The following FIP1L1 variants were observed in gnomAD, a reference collection of about 807,000 sequenced individuals.
FIP1L1 encodes the protein pre-mRNA 3'-end-processing factor FIP1.
FIP1L1 carries 21 observed loss-of-function variants against 84.6 expected under a neutral mutation model. The ratio of observed to expected loss-of-function variants is 0.25; its 90% CI spans 0.18 to 0.36. FIP1L1 has a LOEUF of 0.36. Among genes scored for constraint, FIP1L1 ranks in the 10% least tolerant of loss-of-function variants. FIP1L1 has a pLI of 1.00. For synonymous variants in FIP1L1, 263 were observed against 242.3 expected, an observed-to-expected ratio of 1.09 and a Z score of -0.80; for missense variants, 526 against 751.1, an observed-to-expected ratio of 0.70 and a Z score of 3.50.
intron 13 of FIP1L1, among the ~76,000 whole-genome samples, chr4:53,433,966 G>A (rs1251966566): frequency 2.0e-5 from 3 of 151,972 alleles, no homozygotes; most frequent in Non-Finnish European, 2.9e-5. Flanking sequence ...GGGTGGGGGC[G>A]GGTGGCGAGT....
intron 10 of FIP1L1, among the ~76,000 whole-genome samples, chr4:53,409,381 C>T (rs1002533761): frequency 1.3e-5 from 2 of 152,116 alleles, no homozygotes; most frequent in Non-Finnish European, 2.9e-5. Context: ...AGTACCTGGC[C>T]ATGTGAGGTG....
intron 11 of FIP1L1, among the ~76,000 whole-genome samples, chr4:53,417,358 T>C (rs1469962401): frequency 6.6e-6 from 1 of 152,108 alleles, no homozygotes; most frequent in African/African-American, 2.4e-5. Flanking sequence ...ATTCCAAAAA[T>C]AGCCTGGCTG....
chr4:53,383,745 AT>A (rs767730400), intron 4 of FIP1L1, 27 bp from the exon 5 acceptor site: 2 of 1,573,332 alleles, frequency 1.3e-6, no homozygotes, highest in Non-Finnish European at 1.7e-6. Flanking sequence ...TACTGAATGT[AT>A]TTTATAATTT....
chr4:53,391,434 A>C lies in FIP1L1; in HGVS notation c.641A>C (p.Glu214Ala). ...GGAATATGTTATTTAACTTAGGCCGAAGACTGTACTATGGAAGTTACACCA... is the reference window on the plus strand; with the variant it reads ...GGAATATGTTATTTAACTTAGGCCGCAGACTGTACTATGGAAGTTACACCA... ...VTSTTNKITA[E>A]DCTMEVTPGA... The change falls in exon 9 of 18, where the codon GAA (glutamate) becomes GCA (alanine). Residue 214 changes from glutamate to alanine, a missense_variant. This residue lies in a region of FIP1L1 where 169 missense variants were observed against 206.9 expected (regional missense o/e 0.82). Transcript: ENST00000337488. 1 of 1,612,684 alleles carries C rather than the reference A, an allele frequency of 6.2e-7. No individual in the cohort carries two copies. The highest frequency in any genetic ancestry group is 8.5e-7 in the Non-Finnish European group (1 of 1,178,772).
chr4:53,406,238 C>G (rs1363823610), intron 10 of FIP1L1, among the ~76,000 whole-genome samples: 5 of 152,136 alleles, frequency 3.3e-5, no homozygotes, highest in Non-Finnish European at 5.9e-5. Context: ...TGAATTTTGT[C>G]AAAGGCCTTT....
At chr4:53,379,306 TGAAAC>T in intron 3 of FIP1L1, 42 bp downstream of exon 3, 2 of 1,511,072 alleles carry the variant, frequency 1.3e-6, no homozygotes, top group Non-Finnish European at 1.8e-6. Context: ...ACAGGTTGTG[TGAAAC>T]AATGGTTCTG....
chr4:53,416,872 G>C (rs1031938121), intron 11 of FIP1L1, among the ~76,000 whole-genome samples: 3 of 152,092 alleles, frequency 2.0e-5, no homozygotes, highest in African/African-American at 7.2e-5. Context: ...GTTGAGGTGG[G>C]AGAATCACTT....
At chr4:53,426,273 C>G (rs1421951611) in intron 12 of FIP1L1, among the ~76,000 whole-genome samples, 1 of 152,038 alleles carries the variant, frequency 6.6e-6, no homozygotes, top group African/African-American at 2.4e-5. Flanking sequence ...TTGAAATGTT[C>G]ATACGTATGT....
intron 10 of FIP1L1, among the ~76,000 whole-genome samples, chr4:53,409,925 C>T (rs1219433247): frequency 2.0e-5 from 3 of 152,250 alleles, no homozygotes; most frequent in Non-Finnish European, 2.9e-5. Flanking sequence ...AGGGAACTCC[C>T]TGACCCCTTG....
Position 53,389,855 on chromosome 4 carries a change from A to G in FIP1L1, c.379A>G (p.Arg127Gly). 2 of 1,602,314 alleles carry G rather than the reference A, an allele frequency of 1.2e-6. No individual in the cohort carries two copies. The highest frequency in any genetic ancestry group is 1.7e-6 in the Non-Finnish European group (2 of 1,176,066). ...PVNLNIKTGG[R>G]VYGTTGTKVK... Reference sequence around the variant, plus strand: ...AAATCTTAACATCAAGACAGGGGGAAGAGTTTATGGAACTACAGGTAAAAT... The same window carrying G: ...AAATCTTAACATCAAGACAGGGGGAGGAGTTTATGGAACTACAGGTAAAAT... Residue 127 changes from arginine (R) to glycine (G), a missense_variant, in exon 6 of 18, where the codon AGA becomes GGA. By Grantham distance (125) the Arg-to-Gly change is moderately radical (BLOSUM62 -2). Around this residue, in one of 6 missense-constraint regions of FIP1L1, gnomAD observed 169 missense variants for 206.9 expected, o/e 0.82. Transcript: ENST00000337488.
intron 10 of FIP1L1, among the ~76,000 whole-genome samples, chr4:53,401,279 A>C (rs1039422725): frequency 9.9e-5 from 15 of 152,122 alleles, no homozygotes; most frequent in Non-Finnish European, 2.1e-4. Context: ...GCCTTTCAAA[A>C]TTTGGGCCAG....
chr4:53,397,035 A>T (rs1747775861), intron 9 of FIP1L1, among the ~76,000 whole-genome samples: 1 of 152,204 alleles, frequency 6.6e-6, no homozygotes, highest in African/African-American at 2.4e-5. Flanking sequence ...AAGACATTCA[A>T]AGTTATTTTT....
intron 15 of FIP1L1, among the ~76,000 whole-genome samples, chr4:53,445,639 A>G (rs1322069313): frequency 2.0e-5 from 3 of 152,188 alleles, no homozygotes; most frequent in Admixed American, 1.3e-4. Flanking sequence ...TATATACTAT[A>G]TAAAGGCTAG....
intron 15 of FIP1L1, among the ~76,000 whole-genome samples, chr4:53,447,631 A>C (rs1263642463): frequency 2.0e-5 from 3 of 152,166 alleles, no homozygotes; most frequent in African/African-American, 7.2e-5. Context: ...GGAGAAAGTT[A>C]CATGACAAAT....
At chr4:53,440,090 A>G (rs1288165001) in intron 13 of FIP1L1, among the ~76,000 whole-genome samples, 1 of 152,022 alleles carries the variant, frequency 6.6e-6, no homozygotes, top group Non-Finnish European at 1.5e-5. Context: ...CACTTCTGCC[A>G]ACAATACTAG....
In FIP1L1 at chr4:53,414,684, G is replaced by T; in HGVS notation, c.885G>T (p.Trp295Cys). The change falls in exon 11 of 18, where the codon TGG becomes TGT. Residue 295 changes from tryptophan (W) to cysteine (C), a missense_variant. Physicochemically the swap from Trp to Cys is radical, Grantham distance 215. Coordinates refer to ENST00000337488, the MANE Select transcript of FIP1L1 (RefSeq NM_030917.4). ...AAGCCAATTCAAGCGTTGGGAAGTG[G>T]CAGGATCGATATGGGAGGGCCGAAT... ...SRKANSSVGK[W>C]QDRYGRAESP... 1.2e-6 allele frequency: 2 copies of T among 1,613,338 alleles called. No homozygotes were observed. The highest frequency in any genetic ancestry group is 1.7e-6 in the Non-Finnish European group (2 of 1,179,480).
intron 10 of FIP1L1, among the ~76,000 whole-genome samples, chr4:53,412,614 A>G (rs556070583): frequency 6.6e-6 from 1 of 152,156 alleles, no homozygotes; most frequent in East Asian, 1.9e-4. Context: ...CAGGAATACT[A>G]TGTAAGTGAT....
chr4:53,402,646 G>A (rs1750894948), intron 10 of FIP1L1, among the ~76,000 whole-genome samples: 1 of 152,192 alleles, frequency 6.6e-6, no homozygotes, highest in Non-Finnish European at 1.5e-5. Flanking sequence ...AGGTTGCAGT[G>A]AGCCAAGATC....
At chr4:53,391,520 T>G (rs1216429102) in intron 9 of FIP1L1, 22 bp downstream of exon 9, 2 of 1,576,634 alleles carry the variant, frequency 1.3e-6, no homozygotes, top group African/African-American at 2.7e-5. Context: ...TAAATTATCC[T>G]TGGTTGCTCT....
Sources: gnomAD v4.1 joint callset for allele counts (sites outside exome capture counted in the v4.1 genomes callset) on GRCh38, gnomAD v4.1.1 for gene constraint, gnomAD v4.1.1 regional missense constraint, MANE v1.5 for transcripts, NCBI Gene and HGNC (gene_info 2026-07-23, HGNC 2026-07-21) for gene names.